SNX27: variants seen among roughly 807,000 people sequenced by gnomAD.
SNX27 encodes sorting nexin 27, also known as sorting nexin-27.
In SNX27, 22 loss-of-function variants were observed where a neutral mutation model predicts 71.6. That is an observed-to-expected ratio of 0.31 (90% CI 0.22 to 0.44). The LOEUF is 0.44. Ranked by LOEUF, SNX27 falls within the 20% of genes least tolerant of loss-of-function variation. The probability of loss-of-function intolerance (pLI) is 1.00; values close to 1 mark genes in which losing one functional copy is unlikely to be tolerated. For synonymous variants in SNX27, 269 were observed against 277.2 expected (o/e 0.97, Z 0.29); for missense variants, 531 against 698.6 (o/e 0.76, Z 2.70).
rs1571887285 is a variant in SNX27, at chr1:151,696,498, T to TTCTTTCTTTCG, written c.*2082_*2083insCTTTCTTTCGT. Reference sequence around the variant, plus strand: ...CTTTCTTTCTTTCTTTCTTTCTTTCTTTCTTTCGTTCTTTCGTTCTTTCGT... The same window carrying TTCTTTCTTTCG: ...CTTTCTTTCTTTCTTTCTTTCTTTCTTCTTTCTTTCGTTCTTTCGTTCTTTCGTTCTTTCGT... On this transcript the variant is annotated 3_prime_UTR_variant, in exon 12 of 12. Transcript: ENST00000458013. 1 of 106,500 alleles carries TTCTTTCTTTCG rather than the reference T, an allele frequency of 9.4e-6. No homozygotes were observed. Among genetic ancestry groups the TTCTTTCTTTCG allele is most frequent in the Admixed American group, 9.2e-5 (1 of 10,902 alleles). The allele number at this position is 106,500 out of a possible 1,614,324, so 6.6% of individuals were successfully genotyped here. A position where few individuals can be genotyped will look rare whatever the true frequency, so the allele number is the denominator to read the frequency against.
chr1:151,674,763 T>C (rs1218160955), intron 7 of SNX27, among the ~76,000 whole-genome samples: 3 of 152,070 alleles, frequency 2.0e-5, no homozygotes, highest in Non-Finnish European at 4.4e-5. Context: ...CTTGGCTCAC[T>C]GCAACCTCTG....
At position 151,638,983 on chromosome 1, in the gene SNX27, C is replaced by T. The variant is rs758183228; in HGVS notation, c.407C>T (p.Pro136Leu). The change falls in exon 2 of 12, where the codon CCT (proline) becomes CTT (leucine). Residue 136 changes from proline to leucine, a missense_variant. Physicochemically the swap from Pro to Leu is moderately conservative, Grantham distance 98. This residue lies in a region of SNX27 where 47 missense variants were observed against 41.4 expected (regional missense o/e 1.13). Coordinates refer to ENST00000458013, the MANE Select transcript of SNX27 (RefSeq NM_001330723.2). ...TTGATCTTGACAGTGTTATCTGTAC[C>T]TCCTCATGAGGCAGATAACCTAGAT... ...KELILTVLSV[P>L]PHEADNLDPS... The T allele has an allele frequency of 1.2e-6, 2 of 1,614,080 alleles. No individual in the cohort carries two copies. Among genetic ancestry groups the T allele is most frequent in the South Asian group, 2.2e-5 (2 of 91,082 alleles).
intron 1 of SNX27, among the ~76,000 whole-genome samples, chr1:151,628,811 C>T (rs1411427926): frequency 3.3e-5 from 5 of 152,110 alleles, no homozygotes; most frequent in Non-Finnish European, 7.4e-5. Flanking sequence ...ATATTTTGCC[C>T]ATTTTTAAAT....
At position 151,618,561 on chromosome 1, in the gene SNX27, A is replaced by G. The variant is rs541725315; in HGVS notation, c.311+6049A>G. 1.2e-3 allele frequency among the ~76,000 whole-genome samples: 187 copies of G among 152,230 alleles called. 2 individuals carry two copies. The South Asian group carries it at 0.015, about 12-fold the overall frequency. On this transcript the variant is annotated intron_variant, in intron 1 of 11. Transcript: ENST00000458013. ...GTGAAGAACAGTTCTTTTTCCATCC[A>G]CCACTGACCAGTTTTTTTCAGATGA...
intron 7 of SNX27, chr1:151,676,878 A>G (rs1329775334): frequency 6.6e-6 from 1 of 151,974 alleles, no homozygotes; most frequent in African/African-American, 2.4e-5. Context: ...ACATTAAATG[A>G]TTCATTTCTA....
intron 1 of SNX27, among the ~76,000 whole-genome samples, chr1:151,618,131 G>A (rs75182801): frequency 4.0e-5 from 6 of 150,688 alleles, no homozygotes; most frequent in Non-Finnish European, 8.8e-5. Context: ...CTCCTAAACC[G>A]CTGGCATTGC....
intron 2 of SNX27, among the ~76,000 whole-genome samples, chr1:151,653,336 G>C (rs1293688114): frequency 6.6e-6 from 1 of 152,134 alleles, no homozygotes; most frequent in African/African-American, 2.4e-5. Context: ...GAAGTAAATA[G>C]TGTTTCAACT....
rs1177731994 is a variant in SNX27 at position 151,651,360 on chromosome 1, C to T, written c.544-6875C>T. ...CCCCCCACCTCCCTCCCGGATGGGG[C>T]GGCTGGCCTGGCGGGGGGCTGACCC... On this transcript the variant is annotated intron_variant, in intron 2 of 11. Coordinates refer to ENST00000458013, the MANE Select transcript of SNX27 (RefSeq NM_001330723.2). 1.4e-3 allele frequency among the ~76,000 whole-genome samples: 214 copies of T among 148,800 alleles called. 2 individuals carry two copies. The highest frequency in any genetic ancestry group is 4.6e-3 in the African/African-American group (185 of 40,128).
At chr1:151,673,971 C>T (rs1339519698) in intron 7 of SNX27, among the ~76,000 whole-genome samples, 1 of 151,726 alleles carries the variant, frequency 6.6e-6, no homozygotes. Context: ...ATCAGTGGTT[C>T]TTGTTTTTTT....
chr1:151,669,869 A>G (rs903365736), intron 7 of SNX27, among the ~76,000 whole-genome samples: 2 of 152,168 alleles, frequency 1.3e-5, no homozygotes, highest in Non-Finnish European at 2.9e-5. Flanking sequence ...CCCCTCAAAC[A>G]TTTATCTTTT....
chr1:151,646,723 C>T (rs946743628), intron 2 of SNX27, among the ~76,000 whole-genome samples: 6 of 150,338 alleles, frequency 4.0e-5, no homozygotes, highest in Admixed American at 1.3e-4. Flanking sequence ...TTTGTCCCCC[C>T]GTCAGATGTT....
chr1:151,676,165 C>T (rs1308051821), intron 7 of SNX27: 1 of 150,170 alleles, frequency 6.7e-6, no homozygotes, highest in Non-Finnish European at 1.5e-5. Flanking sequence ...GTTTTTGTAC[C>T]TTGCTGTACA....
At chr1:151,615,475 G>A (rs542656508) in intron 1 of SNX27, among the ~76,000 whole-genome samples, 1 of 152,094 alleles carries the variant, frequency 6.6e-6, no homozygotes, top group South Asian at 2.1e-4. Flanking sequence ...CCCGCTACTT[G>A]TCTCGATCTT....
intron 1 of SNX27, chr1:151,614,497 A>G (rs1667342472): frequency 6.6e-6 from 1 of 152,194 alleles, no homozygotes; most frequent in Admixed American, 6.5e-5. Context: ...CTAATTTTGT[A>G]TTTTTAGTAG....
intron 11 of SNX27, chr1:151,694,072 G>C: frequency 8.1e-7 from 1 of 1,238,554 alleles, no homozygotes; most frequent in Non-Finnish European, 1.0e-6. Flanking sequence ...TGGGCTCTGG[G>C]AATTTTATCT....
chr1:151,643,130 A>G (rs80292884), intron 2 of SNX27, among the ~76,000 whole-genome samples: 1 of 148,336 alleles, frequency 6.7e-6, no homozygotes, highest in Non-Finnish European at 1.5e-5. Flanking sequence ...ACACCCGGCC[A>G]ATTTTGTATT....
chr1:151,668,847 T>A (rs552106467), intron 7 of SNX27, among the ~76,000 whole-genome samples: 10 of 152,328 alleles, frequency 6.6e-5, no homozygotes, highest in South Asian at 4.1e-4. Flanking sequence ...ACGTATTTTT[T>A]AAATATGTAT....
chr1:151,648,721 T>A (rs889449053), intron 2 of SNX27, among the ~76,000 whole-genome samples: 15 of 143,558 alleles, frequency 1.0e-4, no homozygotes, highest in Admixed American at 1.4e-4. Context: ...GCCCAGCCCA[T>A]ATTTACCATT....
At chr1:151,663,399 A>G (rs1213201987) in intron 5 of SNX27, among the ~76,000 whole-genome samples, 1 of 151,626 alleles carries the variant, frequency 6.6e-6, no homozygotes, top group African/African-American at 2.4e-5. Context: ...ATCCTCCTGC[A>G]TTGGCCTCCC....
Sources: allele counts gnomAD v4.1 joint callset (sites outside exome capture counted in the v4.1 genomes callset), GRCh38; gene constraint gnomAD v4.1.1; regional missense constraint gnomAD v4.1.1; transcripts MANE v1.5; gene names NCBI Gene and HGNC (gene_info 2026-07-23, HGNC 2026-07-21).